CSMD1: variants seen among roughly 807,000 people sequenced by gnomAD.
CSMD1 encodes CUB and sushi domain-containing protein 1.
Under a neutral mutation model 417.5 loss-of-function variants are expected in CSMD1, and 213 were observed. The observed-to-expected ratio is 0.51, with a 90% CI of 0.46 to 0.57. CSMD1 has a LOEUF of 0.57. CSMD1 is among the 20% of genes least tolerant of loss of function. The pLI is 0.00. For missense variants in CSMD1, 6,923 were observed against 4,529.7 expected (o/e 1.53, Z -15.17); for synonymous variants, 2,862 against 1,736.8 (o/e 1.65, Z -16.11).
At chr8:4,274,250 A>C (rs79351544) in intron 3 of CSMD1, among the ~76,000 whole-genome samples, 3,475 of 152,266 alleles carry the variant, frequency 0.023, 140 homozygotes, top group African/African-American at 0.079. Context: ...GCATTTTATT[A>C]ACACTATACT....
intron 1 of CSMD1, among the ~76,000 whole-genome samples, chr8:4,895,626 C>T (rs548736039): frequency 4.6e-5 from 7 of 151,840 alleles, no homozygotes; most frequent in African/African-American, 1.7e-4. Flanking sequence ...GACTTTCCTA[C>T]TCTGATGTTG....
intron 1 of CSMD1, among the ~76,000 whole-genome samples, chr8:4,645,011 A>G (rs1803434292): frequency 6.6e-6 from 1 of 152,188 alleles, no homozygotes; most frequent in Non-Finnish European, 1.5e-5. Flanking sequence ...ATAAATCTAT[A>G]TTCTGGTTAG....
At chr8:4,601,722 C>G (rs1044323626) in intron 2 of CSMD1, among the ~76,000 whole-genome samples, 3 of 152,212 alleles carry the variant, frequency 2.0e-5, no homozygotes, top group African/African-American at 7.2e-5. Context: ...GGCATTATGA[C>G]TTACAGTGCT....
intron 25 of CSMD1, among the ~76,000 whole-genome samples, chr8:3,294,399 G>T (rs1371016374): frequency 6.6e-6 from 1 of 152,186 alleles, no homozygotes; most frequent in Non-Finnish European, 1.5e-5. Context: ...GCCTTCTGTT[G>T]GTCTGTGCCC....
intron 2 of CSMD1, among the ~76,000 whole-genome samples, chr8:4,604,217 G>C (rs976344763): frequency 6.6e-6 from 1 of 151,856 alleles, no homozygotes; most frequent in African/African-American, 2.4e-5. Context: ...CTACCCCTAA[G>C]CCTTTTAACT....
At chr8:4,641,783 C>G (rs1400631132) in intron 1 of CSMD1, among the ~76,000 whole-genome samples, 1 of 152,020 alleles carries the variant, frequency 6.6e-6, no homozygotes, top group Non-Finnish European at 1.5e-5. Context: ...TACAGACATT[C>G]GGAAAATCTA....
chr8:4,442,024 C>T (rs995842397), intron 2 of CSMD1, among the ~76,000 whole-genome samples: 11 of 152,132 alleles, frequency 7.2e-5, no homozygotes, highest in African/African-American at 1.9e-4. Context: ...TATGTCCCCC[C>T]GCTTTTTTCT....
At chr8:4,111,649 T>C (rs1801862295) in intron 3 of CSMD1, among the ~76,000 whole-genome samples, 1 of 152,190 alleles carries the variant, frequency 6.6e-6, no homozygotes, top group Non-Finnish European at 1.5e-5. Context: ...AGCCATTATC[T>C]TCAGCAAATT....
intron 4 of CSMD1, among the ~76,000 whole-genome samples, chr8:4,022,615 TC>T (rs1415642421): frequency 6.6e-6 from 1 of 152,042 alleles, no homozygotes; most frequent in Non-Finnish European, 1.5e-5. Flanking sequence ...TTTGCGACAG[TC>T]CTAGAAACCA....
intron 5 of CSMD1, among the ~76,000 whole-genome samples, chr8:3,962,278 G>C (rs1812382872): frequency 6.6e-6 from 1 of 151,662 alleles, no homozygotes; most frequent in Non-Finnish European, 1.5e-5. Flanking sequence ...TTCTGTCCTG[G>C]AACTGCCCTA....
chr8:4,938,024 A>G (rs1201799888), intron 1 of CSMD1, among the ~76,000 whole-genome samples: 2 of 152,184 alleles, frequency 1.3e-5, no homozygotes, highest in Non-Finnish European at 2.9e-5. Flanking sequence ...TTTGTACTCA[A>G]AAATAGTTAG....
chr8:3,778,726 G>A (rs909686238), intron 5 of CSMD1, among the ~76,000 whole-genome samples: 18 of 152,144 alleles, frequency 1.2e-4, no homozygotes, highest in South Asian at 4.1e-4. Context: ...CTTCCTTTCT[G>A]CAGGGCCTTT....
chr8:3,681,195 T>G (rs892478523), intron 7 of CSMD1, among the ~76,000 whole-genome samples: 10 of 152,084 alleles, frequency 6.6e-5, no homozygotes, highest in African/African-American at 2.2e-4. Context: ...CCAGGGCAAT[T>G]AGGCAGGAGA....
chr8:3,565,968 T>C (rs370335572), intron 10 of CSMD1, among the ~76,000 whole-genome samples: 11 of 152,318 alleles, frequency 7.2e-5, no homozygotes, highest in South Asian at 2.1e-4. Flanking sequence ...CGCATTCTCA[T>C]GCCATTCCTT....
At position 4,233,282 on chromosome 8, in the gene CSMD1, A is replaced by G. The variant is rs1029687579; in HGVS notation, c.415+186671T>C. Among the ~76,000 whole-genome samples the G allele has an allele frequency of 2.0e-5, 3 of 152,028 alleles. No homozygotes were observed. The East Asian group carries it at 5.8e-4, about 29-fold the overall frequency. ...AGCTTCTTTGTATGCAGAAGTGCCC[A>G]CTCTCCGCCAGCCACATCTCAAATT... On this transcript the variant is annotated intron_variant, in intron 3 of 69. Transcript: ENST00000635120.
At position 3,136,783 on chromosome 8, in the gene CSMD1, T is replaced by G. The variant is rs1417646506; in HGVS notation, c.6241+5682A>C. ...CCACCATCCCTGGGTAACTGATACT[T>G]CTCTGGCTGAAAGCACAATCCCTTA... On this transcript the variant is annotated intron_variant, in intron 41 of 69. Transcript: ENST00000635120. Among the ~76,000 whole-genome samples the G allele has an allele frequency of 4.6e-5, 7 of 152,206 alleles. No individual in the cohort carries two copies. The East Asian group carries it at 1.4e-3, about 29-fold the overall frequency.
chr8:3,839,460 TTATA>T (rs1454613452), intron 5 of CSMD1, among the ~76,000 whole-genome samples: 7 of 124,514 alleles, frequency 5.6e-5, no homozygotes, highest in Non-Finnish European at 9.5e-5. Context: ...ATATAATATA[TTATA>T]TATTATATAA....
At chr8:4,570,188 G>A (rs564205955) in intron 2 of CSMD1, among the ~76,000 whole-genome samples, 3 of 152,264 alleles carry the variant, frequency 2.0e-5, no homozygotes, top group East Asian at 3.9e-4. Context: ...GAATAGCAGT[G>A]GTGAGAGAGG....
chr8:3,971,983 T>G (rs536711704), intron 5 of CSMD1, among the ~76,000 whole-genome samples: 5 of 152,078 alleles, frequency 3.3e-5, no homozygotes, highest in Non-Finnish European at 7.4e-5. Context: ...CCTGGCTCAC[T>G]GCAGCCTTGA....
Sources: gnomAD v4.1 joint callset for allele counts (sites outside exome capture counted in the v4.1 genomes callset) on GRCh38, gnomAD v4.1.1 for gene constraint, MANE v1.5 for transcripts, NCBI Gene and HGNC (gene_info 2026-07-23, HGNC 2026-07-21) for gene names.